Variants in HNF4A observed in about 807,000 individuals in gnomAD.
HNF4A encodes the protein hepatocyte nuclear factor 4-alpha.
Under a neutral mutation model 52.4 loss-of-function variants are expected in HNF4A, and 15 were observed. That is an observed-to-expected ratio of 0.29 (90% CI 0.19 to 0.44). HNF4A has a LOEUF of 0.44. Ranked by LOEUF, HNF4A falls within the 20% of genes least tolerant of loss-of-function variation. The probability of loss-of-function intolerance (pLI) is 1.00; values close to 1 mark genes in which losing one functional copy is unlikely to be tolerated. For synonymous variants in HNF4A, 280 were observed against 264.4 expected, an observed-to-expected ratio of 1.06 and a Z score of -0.57; for missense variants, 479 against 647.2, an observed-to-expected ratio of 0.74 and a Z score of 2.82.
intron 1 of HNF4A, among the ~76,000 whole-genome samples, chr20:44,359,326 C>T (rs1224840960): frequency 6.6e-6 from 1 of 152,222 alleles, no homozygotes; most frequent in East Asian, 1.9e-4. Context: ...CCAGCTTCAG[C>T]TGTCATGTCT....
At chr20:44,425,448 A>C (rs1368477322) in intron 8 of HNF4A, among the ~76,000 whole-genome samples, 1 of 152,226 alleles carries the variant, frequency 6.6e-6, no homozygotes, top group African/African-American at 2.4e-5. Flanking sequence ...GCCCACACCC[A>C]CAGGATTTGC....
chr20:44,424,733 G>A (rs1295639017), intron 8 of HNF4A: 9 of 501,580 alleles, frequency 1.8e-5, no homozygotes, highest in Non-Finnish European at 2.8e-5. Flanking sequence ...CCTAACGGCT[G>A]AAAGGAAATG....
rs57044554 is a variant in HNF4A, at chr20:44,358,248, GA to G, written c.49+2409del. On this transcript the variant is annotated intron_variant, in intron 1 of 9. Coordinates refer to the HNF4A transcript ENST00000316673. ...TACTGAAGTCTGCTGGAAGGCTCCA[GA>G]AAAAAAAAAAAAAGAAAAGAAAAAT... is the stretch of plus-strand genomic sequence containing the variant. 7.3e-3 allele frequency among the ~76,000 whole-genome samples: 830 copies of G among 113,252 alleles called. 7 individuals carry two copies. The highest frequency in any genetic ancestry group is 0.024 in the African/African-American group (726 of 30,480). 74.3% of individuals were successfully genotyped at this position (113,252 alleles called of 152,430 possible).
At chr20:44,398,076 TG>T (rs773055906), upstream of HNF4A, among the ~76,000 whole-genome samples, 3 of 152,262 alleles carry the variant, frequency 2.0e-5, no homozygotes, top group Non-Finnish European at 2.9e-5. Context: ...GTTAAGGGTT[TG>T]TTTGGTACCC....
intron 1 of HNF4A, among the ~76,000 whole-genome samples, chr20:44,386,190 A>T (rs1163370240): frequency 1.3e-4 from 14 of 110,486 alleles, no homozygotes; most frequent in African/African-American, 5.1e-4. Context: ...TTTTTGAGAC[A>T]GAGTTTTGCT....
chr20:44,428,428 T>C lies in HNF4A; in HGVS notation c.1223T>C (p.Met408Thr), dbSNP rs761166336. Reference sequence around the variant, plus strand: ...ACCAACGTCATCGTTGCCAACACAATGCCCACTCACCTCAGCAACGGACAG... The same window carrying C: ...ACCAACGTCATCGTTGCCAACACAACGCCCACTCACCTCAGCAACGGACAG... Residue 408 changes from methionine to threonine, a missense_variant, in exon 9 of 10, where the codon ATG (methionine) becomes ACG (threonine). Physicochemically the swap from Met to Thr is moderately conservative, Grantham distance 81. Coordinates refer to ENST00000316099, the MANE Select transcript of HNF4A (RefSeq NM_000457.6). The C allele has an allele frequency of 1.9e-6, 3 of 1,613,936 alleles. No individual in the cohort carries two copies. The Admixed American group carries it at 5.0e-5, about 27-fold the overall frequency.
chr20:44,363,168 T>G (rs2062936083), intron 1 of HNF4A, among the ~76,000 whole-genome samples: 1 of 152,132 alleles, frequency 6.6e-6, no homozygotes, highest in Admixed American at 6.6e-5. Context: ...CCCAATCTTT[T>G]TTGCCTCAGT....
intron 1 of HNF4A, among the ~76,000 whole-genome samples, chr20:44,382,483 C>A (rs551463987): frequency 6.6e-6 from 1 of 152,126 alleles, no homozygotes; most frequent in African/African-American, 2.4e-5. Context: ...GTGATCCGCC[C>A]GCCTTGGCCT....
chr20:44,415,098 G>A (rs2063644941), intron 5 of HNF4A, among the ~76,000 whole-genome samples: 1 of 152,182 alleles, frequency 6.6e-6, no homozygotes, highest in South Asian at 2.1e-4. Context: ...ATGGCTCTAA[G>A]ACTGGTTGTC....
At chr20:44,368,654 G>A (rs559502358) in intron 1 of HNF4A, among the ~76,000 whole-genome samples, 31 of 152,224 alleles carry the variant, frequency 2.0e-4, no homozygotes, top group African/African-American at 7.5e-4. Context: ...AAAGTTCCTT[G>A]AATGTAAAAT....
intron 1 of HNF4A, among the ~76,000 whole-genome samples, chr20:44,373,808 G>A (rs959709893): frequency 6.6e-6 from 1 of 152,030 alleles, no homozygotes; most frequent in Admixed American, 6.6e-5. Flanking sequence ...TCCTGCCTCA[G>A]CCTCCTGAGT....
intron 1 of HNF4A, among the ~76,000 whole-genome samples, chr20:44,392,781 C>T (rs144604585): frequency 2.0e-5 from 3 of 152,322 alleles, no homozygotes; most frequent in Non-Finnish European, 4.4e-5. Flanking sequence ...CACACAGTGG[C>T]TGGAACCAGA....
rs1245414025 is a variant in HNF4A, at chr20:44,401,448, C to G, written c.76C>G (p.Leu26Val). 2 of 1,614,088 alleles carry G rather than the reference C, an allele frequency of 1.2e-6. No homozygotes were observed. The highest frequency in any genetic ancestry group is 1.7e-6 in the Non-Finnish European group (2 of 1,180,040). ...TGCACTGGACCCAGCCTACACCACC[C>G]TGGAATTTGAGAATGTGCAGGTGTT... Residue 26 changes from leucine to valine, a missense_variant, in exon 1 of 10, where the codon CTG becomes GTG. Physicochemically the swap from Leu to Val is conservative, Grantham distance 32. This residue lies in a region of HNF4A where 90 missense variants were observed against 105.5 expected (regional missense o/e 0.85). Coordinates refer to ENST00000316099, the MANE Select transcript of HNF4A (RefSeq NM_000457.6).
intron 1 of HNF4A, among the ~76,000 whole-genome samples, chr20:44,361,238 TC>T (rs1444075735): frequency 6.6e-6 from 1 of 152,186 alleles, no homozygotes; most frequent in Non-Finnish European, 1.5e-5. Context: ...TGAATCAGTC[TC>T]CTGGGGTGAG....
At chr20:44,373,886 C>T (rs1378080054) in intron 1 of HNF4A, among the ~76,000 whole-genome samples, 2 of 151,996 alleles carry the variant, frequency 1.3e-5, no homozygotes, top group African/African-American at 4.8e-5. Context: ...GGTGGGGTTT[C>T]ACCATGTTGG....
At chr20:44,401,056 G>A (rs1174845714), upstream of HNF4A, among the ~76,000 whole-genome samples, 1 of 152,028 alleles carries the variant, frequency 6.6e-6, no homozygotes, top group Admixed American at 6.5e-5. Context: ...ACTGAACATC[G>A]GTGAGTTAGG....
intron 1 of HNF4A, chr20:44,402,574 C>T (rs1160165739): frequency 4.4e-6 from 6 of 1,365,710 alleles, no homozygotes; most frequent in Non-Finnish European, 4.9e-6. Flanking sequence ...CGCTGCGTCT[C>T]GCCAGATTGA....
chr20:44,399,126 C>CA (rs1272923798), upstream of HNF4A, among the ~76,000 whole-genome samples: 345 of 152,280 alleles, frequency 2.3e-3, 1 homozygote, highest in East Asian at 4.6e-3. Flanking sequence ...CCCCCAAGGC[C>CA]GGTGGAGCCA....
intron 1 of HNF4A, chr20:44,391,377 C>T (rs1256540751): frequency 2.0e-5 from 3 of 152,490 alleles, no homozygotes; most frequent in Admixed American, 6.5e-5. Flanking sequence ...ACACTTCATC[C>T]TCTCTTTGGG....
Sources: gnomAD v4.1 joint callset for allele counts (sites outside exome capture counted in the v4.1 genomes callset) on GRCh38, gnomAD v4.1.1 for gene constraint, gnomAD v4.1.1 regional missense constraint, MANE v1.5 for transcripts, NCBI Gene and HGNC (gene_info 2026-07-23, HGNC 2026-07-21) for gene names.